Variants in CNTNAP2 observed in about 807,000 individuals in gnomAD.
CNTNAP2 encodes contactin-associated protein-like 2.
CNTNAP2 carries 98 observed loss-of-function variants against 155.2 expected under a neutral mutation model. The observed-to-expected ratio is 0.63, with a 90% confidence interval of 0.54 to 0.75. The LOEUF is 0.75. Ranked by LOEUF, CNTNAP2 falls within the 30% of genes least tolerant of loss-of-function variation. CNTNAP2 has a pLI of 0.00. For synonymous variants in CNTNAP2, 651 were observed against 631.2 expected (o/e 1.03, Z -0.47); for missense variants, 1,727 against 1,688.1 (o/e 1.02, Z -0.40).
At chr7:146,832,687 A>G (rs1803537455) in intron 2 of CNTNAP2, among the ~76,000 whole-genome samples, 1 of 150,454 alleles carries the variant, frequency 6.6e-6, no homozygotes, top group African/African-American at 2.4e-5. Flanking sequence ...GTGTATATAT[A>G]TATATGTCAA....
intron 10 of CNTNAP2, among the ~76,000 whole-genome samples, chr7:147,459,100 T>A (rs1420098039): frequency 6.6e-6 from 1 of 152,238 alleles, no homozygotes; most frequent in Non-Finnish European, 1.5e-5. Context: ...TCCAATATGG[T>A]AGCCTCTAGC....
chr7:147,792,871 C>A (rs774721885), intron 13 of CNTNAP2, among the ~76,000 whole-genome samples: 1 of 152,010 alleles, frequency 6.6e-6, no homozygotes, highest in Non-Finnish European at 1.5e-5. Context: ...ATGTTATTGT[C>A]CATCTTTTTT....
intron 14 of CNTNAP2, among the ~76,000 whole-genome samples, chr7:147,945,689 T>TTATATATATATATATATATATA (rs10557677): frequency 2.7e-5 from 4 of 148,318 alleles, no homozygotes; most frequent in African/African-American, 9.9e-5. Context: ...ACAAAAGCCT[T>TTATATATATATATATATATATA]TATATATATA....
At chr7:148,036,034 TG>T (rs1287690996) in intron 15 of CNTNAP2, among the ~76,000 whole-genome samples, 6 of 152,264 alleles carry the variant, frequency 3.9e-5, no homozygotes, top group African/African-American at 7.2e-5. Context: ...GTCTATACTA[TG>T]CCTGTTTTAG....
At chr7:147,364,789 C>A (rs1485139889) in intron 9 of CNTNAP2, among the ~76,000 whole-genome samples, 1 of 150,746 alleles carries the variant, frequency 6.6e-6, no homozygotes, top group Non-Finnish European at 1.5e-5. Context: ...GCGGAGCTTG[C>A]GGTGAGCCGA....
intron 10 of CNTNAP2, among the ~76,000 whole-genome samples, chr7:147,472,331 G>A (rs1048843675): frequency 1.4e-5 from 2 of 147,836 alleles, no homozygotes; most frequent in Non-Finnish European, 3.0e-5. Context: ...TCCTGCGTAA[G>A]CCTCCTGTGT....
intron 16 of CNTNAP2, among the ~76,000 whole-genome samples, chr7:148,122,907 A>G (rs1804629658): frequency 6.6e-6 from 1 of 152,188 alleles, no homozygotes; most frequent in African/African-American, 2.4e-5. Context: ...TTCCACAGAC[A>G]TTCAACAAAT....
At chr7:147,077,232 A>T (rs1479044877) in intron 4 of CNTNAP2, among the ~76,000 whole-genome samples, 1 of 152,204 alleles carries the variant, frequency 6.6e-6, no homozygotes, top group Non-Finnish European at 1.5e-5. Flanking sequence ...TATTTAAAAA[A>T]ATTAACTTTT....
intron 15 of CNTNAP2, among the ~76,000 whole-genome samples, chr7:148,043,685 T>C: frequency 6.6e-6 from 1 of 152,250 alleles, no homozygotes; most frequent in Non-Finnish European, 1.5e-5. Flanking sequence ...GTACCTGACC[T>C]GCACCAAATG....
intron 17 of CNTNAP2, among the ~76,000 whole-genome samples, chr7:148,153,031 A>AAG (rs1805332831): frequency 6.7e-6 from 1 of 149,980 alleles, no homozygotes. Context: ...AAAAAAAAAA[A>AAG]AAAAAAAAAA....
chr7:146,289,912 G>A (rs1316812559), intron 1 of CNTNAP2, among the ~76,000 whole-genome samples: 1 of 151,870 alleles, frequency 6.6e-6, no homozygotes, highest in Non-Finnish European at 1.5e-5. Context: ...GGCAATAAAC[G>A]GAGCTAATAC....
rs541028487 is a variant in CNTNAP2 at position 147,383,608 on chromosome 7, C to T, written c.1499-12001C>T. Among the ~76,000 whole-genome samples, 22 of 151,752 alleles carry T rather than the reference C, an allele frequency of 1.4e-4. 1 individual carries two copies. The South Asian group carries it at 2.9e-3, about 20-fold the overall frequency. ...ACACAGGGAGGGGAACACCACGCACCGGGGCCTGTCGGGGTGGGGAGCAAG... is the reference window on the plus strand; with the variant it reads ...ACACAGGGAGGGGAACACCACGCACTGGGGCCTGTCGGGGTGGGGAGCAAG... On this transcript the variant is annotated intron_variant, in intron 9 of 23. Coordinates refer to ENST00000361727, the MANE Select transcript of CNTNAP2 (RefSeq NM_014141.6).
intron 1 of CNTNAP2, among the ~76,000 whole-genome samples, chr7:146,478,279 C>T (rs1199514798): frequency 6.6e-6 from 1 of 151,892 alleles, no homozygotes; most frequent in East Asian, 1.9e-4. Context: ...AACAAAAACC[C>T]AGCAAGTAGA....
At chr7:147,183,969 T>C (rs754698479) in intron 8 of CNTNAP2, among the ~76,000 whole-genome samples, 1 of 152,210 alleles carries the variant, frequency 6.6e-6, no homozygotes, top group Non-Finnish European at 1.5e-5. Context: ...GTATTTACTA[T>C]ACATTAAGAA....
At chr7:147,198,764 T>C (rs187623671) in intron 8 of CNTNAP2, among the ~76,000 whole-genome samples, 49 of 152,266 alleles carry the variant, frequency 3.2e-4, no homozygotes, top group African/African-American at 1.1e-3. Context: ...CTGAATCATT[T>C]GTATTTATCA....
At chr7:147,349,305 A>G (rs1481574508) in intron 9 of CNTNAP2, among the ~76,000 whole-genome samples, 1 of 151,952 alleles carries the variant, frequency 6.6e-6, no homozygotes, top group Non-Finnish European at 1.5e-5. Context: ...AGAAATATTA[A>G]AACAAAAGAT....
At chr7:147,500,895 C>A (rs1417335856) in intron 11 of CNTNAP2, among the ~76,000 whole-genome samples, 1 of 152,048 alleles carries the variant, frequency 6.6e-6, no homozygotes, top group Non-Finnish European at 1.5e-5. Flanking sequence ...ATGAGTCCAG[C>A]ATTACCCTGA....
chr7:146,352,750 G>GTTGTTGTTTTTTTTT (rs1554421455), intron 1 of CNTNAP2, among the ~76,000 whole-genome samples: 1 of 64,338 alleles, frequency 1.6e-5, no homozygotes, highest in African/African-American at 6.4e-5. Context: ...GCATAATTCT[G>GTTGTTGTTTTTTTTT]TTTTTTTTTT....
intron 1 of CNTNAP2, among the ~76,000 whole-genome samples, chr7:146,724,157 A>G (rs956300125): frequency 6.6e-6 from 1 of 152,126 alleles, no homozygotes; most frequent in African/African-American, 2.4e-5. Context: ...ACATTCCTAC[A>G]ATCTCACTTA....
Sources: gnomAD v4.1 joint callset for allele counts (sites outside exome capture counted in the v4.1 genomes callset) on GRCh38, gnomAD v4.1.1 for gene constraint, MANE v1.5 for transcripts, NCBI Gene and HGNC (gene_info 2026-07-23, HGNC 2026-07-21) for gene names.